SAMSN1: variants seen among roughly 807,000 people sequenced by gnomAD.
SAMSN1 encodes the protein SAM domain-containing protein SAMSN-1.
A neutral mutation model predicts 42.0 loss-of-function variants in SAMSN1; 31 were observed. That is an observed-to-expected ratio of 0.74 (90% CI 0.55 to 1.00). The LOEUF is 1.00. Among genes scored for constraint, SAMSN1 ranks in the 50% least tolerant of loss-of-function variants. SAMSN1 has a pLI of 0.00. For missense variants in SAMSN1, 464 were observed against 439.4 expected, an observed-to-expected ratio of 1.06 and a Z score of -0.50; for synonymous variants, 178 against 151.9, an observed-to-expected ratio of 1.17 and a Z score of -1.26.
At chr21:14,609,094 A>G (rs1369110425) in intron 5 of SAMSN1, among the ~76,000 whole-genome samples, 6 of 152,232 alleles carry the variant, frequency 3.9e-5, no homozygotes, top group African/African-American at 1.4e-4. Flanking sequence ...TTTTTTAAGA[A>G]GACTTAAACA....
At chr21:14,589,039 T>G (rs1982006711) in intron 7 of SAMSN1, among the ~76,000 whole-genome samples, 1 of 152,176 alleles carries the variant, frequency 6.6e-6, no homozygotes, top group East Asian at 1.9e-4. Context: ...TAGTTCATTT[T>G]GCTCACTCTT....
At chr21:14,658,366 A>C (rs1174185848) in intron 1 of SAMSN1, among the ~76,000 whole-genome samples, 1 of 151,868 alleles carries the variant, frequency 6.6e-6, no homozygotes, top group African/African-American at 2.4e-5. Context: ...ACAAAGAAGA[A>C]ATTTTGATTC....
At chr21:14,544,340 T>C (rs952790924) in intron 1 of SAMSN1, among the ~76,000 whole-genome samples, 5 of 152,150 alleles carry the variant, frequency 3.3e-5, no homozygotes, top group Admixed American at 6.6e-5. Flanking sequence ...TGTGAGCCCA[T>C]GCACCTGGAC....
rs549457299 is a variant in SAMSN1 at position 14,551,591 on chromosome 21, T to G, written c.262-30370A>C. On this transcript the variant is annotated intron_variant, in intron 2 of 8. Transcript: ENST00000285670. ...TTAAAGTCATATAAGGGCCATATTG[T>G]GGTTGGCATAACAAATAATGATAAA... Among the ~76,000 whole-genome samples the G allele has an allele frequency of 1.3e-3, 201 of 152,198 alleles. 2 individuals carry two copies. The highest frequency in any genetic ancestry group is 4.7e-3 in the African/African-American group (194 of 41,552).
chr21:14,535,037 T>C (rs1287961861), intron 1 of SAMSN1, among the ~76,000 whole-genome samples: 2 of 152,150 alleles, frequency 1.3e-5, no homozygotes, highest in African/African-American at 4.8e-5. Flanking sequence ...CATTTTAGGC[T>C]AAGAGAAGCA....
In SAMSN1 at chr21:14,604,273, G is replaced by A. The variant is rs984365499; in HGVS notation, c.323-2174C>T. 8.5e-5 allele frequency among the ~76,000 whole-genome samples: 13 copies of A among 152,172 alleles called. No homozygotes were observed. The East Asian group carries it at 1.5e-3, about 18-fold the overall frequency. ...TGGCCACAACCATGCCTCCCATTCC[G>A]TGTGTTTTTTTGCAAAGTGACTTTC... On this transcript the variant is annotated intron_variant, in intron 5 of 15. Coordinates refer to the SAMSN1 transcript ENST00000647101.
At chr21:14,509,037 A>G (rs1353691656) in intron 5 of SAMSN1, among the ~76,000 whole-genome samples, 3 of 151,960 alleles carry the variant, frequency 2.0e-5, no homozygotes, top group Non-Finnish European at 4.4e-5. Context: ...AATCGCTTGA[A>G]CCCAGGAGGC....
chr21:14,531,502 G>C (rs1016211163), intron 1 of SAMSN1, among the ~76,000 whole-genome samples: 5 of 151,484 alleles, frequency 3.3e-5, no homozygotes, highest in Non-Finnish European at 7.4e-5. Context: ...TAATCAGAGA[G>C]AGGAAATCTC....
upstream of SAMSN1, among the ~76,000 whole-genome samples, chr21:14,549,925 T>C (rs530573916): frequency 1.5e-5 from 2 of 136,932 alleles, no homozygotes; most frequent in Admixed American, 7.1e-5. Flanking sequence ...GATCCTACAA[T>C]ATCAAAAAAA....
At chr21:14,572,102 C>T (rs758069395) in intron 2 of SAMSN1, among the ~76,000 whole-genome samples, 12 of 152,004 alleles carry the variant, frequency 7.9e-5, no homozygotes, top group African/African-American at 1.7e-4. Context: ...GATATATCAT[C>T]GACATTATGC....
chr21:14,485,655 G>A lies in SAMSN1; in HGVS notation c.*257C>T, dbSNP rs1986401590. The A allele has an allele frequency of 3.1e-6, 1 of 317,502 alleles. No individual in the cohort carries two copies. The allele number at this position is 317,502 out of a possible 1,614,324, so 19.7% of individuals were successfully genotyped here. A position where few individuals can be genotyped will look rare whatever the true frequency, so the allele number is the denominator to read the frequency against. On this transcript the variant is annotated 3_prime_UTR_variant, in exon 8 of 8. Transcript: ENST00000400566. ...TAAAGCATATGTCACACATACCAAA[G>A]TCTTACATTTTGCCTTTCTAATACA...
intron 2 of SAMSN1, among the ~76,000 whole-genome samples, chr21:14,567,533 C>A (rs1315359378): frequency 6.6e-6 from 1 of 152,010 alleles, no homozygotes; most frequent in South Asian, 2.1e-4. Context: ...GATTTTTAGC[C>A]CAGTCGGTTG....
intron 2 of SAMSN1, among the ~76,000 whole-genome samples, chr21:14,635,408 A>T (rs1198181344): frequency 2.6e-5 from 4 of 152,196 alleles, no homozygotes; most frequent in African/African-American, 9.7e-5. Context: ...ATACCACTAT[A>T]ATAGATGTTC....
In SAMSN1 at chr21:14,500,614, G is replaced by A. The variant is rs778832983; in HGVS notation, c.683C>T (p.Ala228Val). The change falls in exon 6 of 8, where the codon GCC (alanine) becomes GTC (valine). Residue 228 changes from alanine to valine, a missense_variant. By Grantham distance (64) the Ala-to-Val change is moderately conservative (BLOSUM62 0). Coordinates refer to ENST00000400566, the MANE Select transcript of SAMSN1 (RefSeq NM_022136.5). ...TCGGTTTGCCTTTATTTTCTTGGGGGCTGCTTCCTCTTCTGAGATGACATC... is the reference window on the plus strand; with the variant it reads ...TCGGTTTGCCTTTATTTTCTTGGGGACTGCTTCCTCTTCTGAGATGACATC... ...YVDVISEEEA[A>V]PKKIKANRRS... 4.0e-5 allele frequency: 64 copies of A among 1,613,896 alleles called. No homozygotes were observed. In the South Asian group the frequency reaches 6.5e-4, roughly 16 times the overall value.
intron 1 of SAMSN1, among the ~76,000 whole-genome samples, chr21:14,650,971 A>T (rs1420521672): frequency 1.3e-5 from 2 of 152,016 alleles, no homozygotes; most frequent in Admixed American, 1.3e-4. Context: ...ACCAAGATTG[A>T]ACCAAGAGGA....
chr21:14,579,680 C>T, intron 2 of SAMSN1, among the ~76,000 whole-genome samples: 1 of 120,972 alleles, frequency 8.3e-6, no homozygotes, highest in South Asian at 2.9e-4. Flanking sequence ...CAGGGTCTCA[C>T]TTTGTTTCCC....
At chr21:14,506,315 A>C (rs1442060334) in intron 5 of SAMSN1, among the ~76,000 whole-genome samples, 1 of 152,110 alleles carries the variant, frequency 6.6e-6, no homozygotes, top group Non-Finnish European at 1.5e-5. Flanking sequence ...AAATTAATAG[A>C]CCATTAGTAA....
chr21:14,491,417 T>A (rs540741555), intron 7 of SAMSN1, among the ~76,000 whole-genome samples: 2 of 152,298 alleles, frequency 1.3e-5, no homozygotes, highest in East Asian at 3.9e-4. Context: ...CTGACTTTCC[T>A]TCTGCTTCTT....
At chr21:14,561,577 C>G (rs965425098) in intron 2 of SAMSN1, among the ~76,000 whole-genome samples, 1 of 152,116 alleles carries the variant, frequency 6.6e-6, no homozygotes, top group Non-Finnish European at 1.5e-5. Context: ...GATTCTGAAG[C>G]ATTTGGATGG....
Sources: gnomAD v4.1 joint callset for allele counts (sites outside exome capture counted in the v4.1 genomes callset) on GRCh38, gnomAD v4.1.1 for gene constraint, MANE v1.5 for transcripts, NCBI Gene and HGNC (gene_info 2026-07-23, HGNC 2026-07-21) for gene names.